DNASE1L1: variants seen among roughly 807,000 people sequenced by gnomAD.
DNASE1L1 encodes the protein deoxyribonuclease-1-like 1.
DNASE1L1 carries 8 observed loss-of-function variants against 18.6 expected under a neutral mutation model. That is an observed-to-expected ratio of 0.43 (90% CI 0.25 to 0.78). DNASE1L1 has a LOEUF of 0.78. Among genes scored for constraint, DNASE1L1 ranks in the 30% least tolerant of loss-of-function variants. The pLI, the probability that DNASE1L1 is intolerant of heterozygous loss-of-function variation, is 0.23. For synonymous variants in DNASE1L1, 114 were observed against 114.2 expected (o/e 1.00, Z 0.01); for missense variants, 214 against 258.2 (o/e 0.83, Z 1.17).
Position 154,402,648 on chromosome X carries a change from G to T in DNASE1L1, c.*59C>A. ...CCCCCAGCCCCAGGGCTGGATGGAC[G>T]GGGGAGGCTGGGGTTTAAGTCCCAA... On this transcript the variant is annotated 3_prime_UTR_variant, in exon 8 of 8. Coordinates refer to ENST00000369807, the MANE Select transcript of DNASE1L1 (RefSeq NM_001303620.2). 9.0e-7 allele frequency: 1 copy of T among 1,113,151 alleles called. No homozygotes were observed. Among genetic ancestry groups the T allele is most frequent in the South Asian group, 2.1e-5 (1 of 48,467 alleles). 91.7% of individuals were successfully genotyped at this position (1,113,151 alleles called of 1,213,427 possible). A position where few individuals can be genotyped will look rare whatever the true frequency, so the allele number is the denominator to read the frequency against.
intron 4 of DNASE1L1, among the ~76,000 whole-genome samples, chrX:154,403,984 T>A (rs1557187751): frequency 9.1e-6 from 1 of 109,476 alleles, no homozygotes; most frequent in African/African-American, 3.3e-5. Flanking sequence ...TCTTGTACAT[T>A]TGCCTATTCT....
Position 154,405,407 on chromosome X carries a change from A to T in DNASE1L1, c.135+27T>A, listed in dbSNP as rs373980712. On this transcript the variant is annotated intron_variant, in intron 2 of 7. Transcript: ENST00000369807. Reference sequence around the variant, plus strand: ...GCTTTGGCTCATGGTGGTTAGGGGCACGGCTTCCCTGAAGTGATGAACTTA... The same window carrying T: ...GCTTTGGCTCATGGTGGTTAGGGGCTCGGCTTCCCTGAAGTGATGAACTTA... 331 of 1,165,194 alleles carry T rather than the reference A, an allele frequency of 2.8e-4. No individual in the cohort carries two copies. The African/African-American group carries it at 5.4e-3, about 19-fold the overall frequency.
chrX:154,406,557 T>C (rs10126298), intron 1 of DNASE1L1, among the ~76,000 whole-genome samples: 29,604 of 106,661 alleles, frequency 0.28, 5,825 homozygotes, highest in African/African-American at 0.69. Flanking sequence ...TTAGTAGAGA[T>C]GGGGTTTCTT....
Position 154,403,154 on chromosome X carries a change from C to T in DNASE1L1, c.562G>A (p.Ala188Thr), listed in dbSNP as rs782017649. The part of the protein sequence containing the change: ...ILLGDFNADC[A>T]SLTKKRLDKL... The stretch of plus-strand genomic sequence containing the variant: ...TCCAGGCGCTTTTTGGTCAGTGAAG[C>T]GCAGTCAGCATTGAAGTCCCCAAGC... Residue 188 changes from alanine (A) to threonine (T), a missense_variant, in exon 7 of 8, where the codon GCT becomes ACT. Coordinates refer to ENST00000369807, the MANE Select transcript of DNASE1L1 (RefSeq NM_001303620.2). The T allele has an allele frequency of 2.2e-5, 27 of 1,209,909 alleles. No homozygotes were observed. In the East Asian group the frequency reaches 5.6e-4, roughly 25 times the overall value.
rs372745600 is a variant in DNASE1L1, at chrX:154,403,334, C to T, written c.460G>A (p.Val154Ile). 7.4e-6 allele frequency: 9 copies of T among 1,209,747 alleles called. No homozygotes were observed. The highest frequency in any genetic ancestry group is 1.8e-5 in the African/African-American group (1 of 57,118). Reference sequence around the variant, plus strand: ...TAGAGGGCGTTCAGCTCCTTCTCTACGGCCTTAGGAGTGGTGTGCAGCGGG... The same window carrying T: ...TAGAGGGCGTTCAGCTCCTTCTCTATGGCCTTAGGAGTGGTGTGCAGCGGG... ...LVPLHTTPKA[V>I]EKELNALYDV... Residue 154 changes from valine (V) to isoleucine (I), a missense_variant, in exon 6 of 8, where the codon GTA (valine) becomes ATA (isoleucine). By Grantham distance (29) the Val-to-Ile change is conservative (BLOSUM62 3). Transcript: ENST00000369807.
Position 154,409,115 on chromosome X carries a change from C to T in DNASE1L1, c.-91G>A, listed in dbSNP as rs1174821574. 2.9e-6 allele frequency: 1 copy of T among 342,389 alleles called. No homozygotes were observed. Among genetic ancestry groups the T allele is most frequent in the Non-Finnish European group, 5.9e-6 (1 of 169,934 alleles). 28.2% of individuals were successfully genotyped at this position (342,389 alleles called of 1,213,427 possible). On this transcript the variant is annotated 5_prime_UTR_variant, in exon 1 of 8. Transcript: ENST00000369807. ...TCTCCCCAGGGGGCTCCCATACCTG[C>T]TCAGACCAGCTTGTCACCAAGTCTG...
chrX:154,410,117 T>C (rs1263013622), upstream of DNASE1L1: 1 of 110,771 alleles, frequency 9.0e-6, no homozygotes, highest in African/African-American at 3.3e-5. Context: ...TGGGCGCCTG[T>C]AATCCCAGCT....
Position 154,403,001 on chromosome X carries a change from G to A in DNASE1L1, c.715C>T (p.Leu239=), listed in dbSNP as rs371471420. The A allele has an allele frequency of 1.2e-5, 14 of 1,210,091 alleles. No individual in the cohort carries two copies. The highest frequency in any genetic ancestry group is 2.3e-4 in the Middle Eastern group (1 of 4,332). Reference sequence around the variant, plus strand: ...TCAAAGGCAGCCGCAGTGTGCAGCAGACTCCGGCAGCGCTCCCCGTGCAGC... The same window carrying A: ...TCAAAGGCAGCCGCAGTGTGCAGCAAACTCCGGCAGCGCTCCCCGTGCAGC... ...VVLHGERCRS[L]LHTAAAFDFP... The change falls in exon 7 of 8, where the codon CTG becomes TTG. Residue 239 remains leucine, a synonymous_variant. Coordinates refer to ENST00000369807, the MANE Select transcript of DNASE1L1 (RefSeq NM_001303620.2).
rs782775845 is a variant in DNASE1L1, at chrX:154,403,295, C to T, written c.499G>A (p.Glu167Lys). 3 of 1,211,522 alleles carry T rather than the reference C, an allele frequency of 2.5e-6. No individual in the cohort carries two copies. In the South Asian group the frequency reaches 5.3e-5, roughly 21 times the overall value. ...TTGCTCTGCCAGTGCTGGGAGACCT[C>T]CAGAAACACATCGTAGAGGGCGTTC... ...ELNALYDVFLEVSQHWQSKDV... is the reference protein window; with the variant it reads ...ELNALYDVFLKVSQHWQSKDV... Residue 167 changes from glutamate to lysine, a missense_variant, in exon 6 of 8, where the codon GAG becomes AAG. Transcript: ENST00000369807.
Position 154,405,019 on chromosome X carries a change from G to T in DNASE1L1, c.200C>A (p.Pro67Gln). 1 of 1,210,783 alleles carries T rather than the reference G, an allele frequency of 8.3e-7. No individual in the cohort carries two copies. The highest frequency in any genetic ancestry group is 1.8e-5 in the South Asian group (1 of 56,919). ...CCGATTGAGTTCTCGAAGCAGGAGC[G>T]GGATGGCGCTGCCGGAAGAGTCCAC... is the stretch of plus-strand genomic sequence containing the variant. Reference protein sequence around the residue: ...EVVDSSGSAIPLLLRELNRFD... With the variant: ...EVVDSSGSAIQLLLRELNRFD... The change falls in exon 3 of 8, where the codon CCG (proline) becomes CAG (glutamine). Residue 67 changes from proline to glutamine, a missense_variant. Physicochemically the swap from Pro to Gln is moderately conservative, Grantham distance 76. Coordinates refer to ENST00000369807, the MANE Select transcript of DNASE1L1 (RefSeq NM_001303620.2).
rs1286992179 is a variant in DNASE1L1, at chrX:154,403,325, CCTT to C, written c.466_468del (p.Lys156del). 2.5e-6 allele frequency: 3 copies of C among 1,209,816 alleles called. No individual in the cohort carries two copies. In the Admixed American group the frequency reaches 6.6e-5, roughly 26 times the overall value. The stretch of plus-strand genomic sequence containing the variant: ...AACACATCGTAGAGGGCGTTCAGCT[CCTT>C]CTCTACGGCCTTAGGAGTGGTGTGC... On this transcript the variant is annotated inframe_deletion, in exon 6 of 8. Transcript: ENST00000369807.
upstream of DNASE1L1, chrX:154,411,770 C>A (rs4898379): frequency 7.3e-5 from 72 of 988,335 alleles, no homozygotes; most frequent in Non-Finnish European, 6.1e-5. Flanking sequence ...CTCGAGCGGT[C>A]GAGGTCGCAG....
At chrX:154,411,875 C>T (rs1557190828), upstream of DNASE1L1, 1 of 1,204,183 alleles carries the variant, frequency 8.3e-7, no homozygotes, top group Admixed American at 2.2e-5. Flanking sequence ...CCGTTCCCCG[C>T]GGTGCCGCCG....
upstream of DNASE1L1, among the ~76,000 whole-genome samples, chrX:154,411,179 C>T (rs1424698375): frequency 1.8e-5 from 2 of 111,090 alleles, no homozygotes; most frequent in Non-Finnish European, 3.8e-5. Context: ...CGGGGTGGCT[C>T]ACGGCTGTCA....
rs374047815 is a variant in DNASE1L1, at chrX:154,403,199, A to G, written c.526-9T>C. ...CCAAGCAGGATCACGTCCTAGAGAC[A>G]CAGCAGCCATCAGGCTGGCCGCTGG... On this transcript the variant is annotated splice_polypyrimidine_tract_variant and intron_variant, in intron 6 of 7. Coordinates refer to ENST00000369807, the MANE Select transcript of DNASE1L1 (RefSeq NM_001303620.2). The G allele has an allele frequency of 3.7e-5, 45 of 1,208,597 alleles. No individual in the cohort carries two copies. Among genetic ancestry groups the G allele is most frequent in the Non-Finnish European group, 4.8e-5 (43 of 894,021 alleles).
In DNASE1L1 at chrX:154,407,752, C is replaced by T. The variant is rs1401361158; in HGVS notation, c.-88+1360G>A. ...TTGGGGCTACAGGCGTGAGCCACCGCGCCCGGCCCCCCCCCTTTTTTTTTT... is the reference window on the plus strand; with the variant it reads ...TTGGGGCTACAGGCGTGAGCCACCGTGCCCGGCCCCCCCCCTTTTTTTTTT... On this transcript the variant is annotated intron_variant, in intron 1 of 7. Transcript: ENST00000369807. Among the ~76,000 whole-genome samples, 13 of 97,389 alleles carry T rather than the reference C, an allele frequency of 1.3e-4. No individual in the cohort carries two copies. In the East Asian group the frequency reaches 3.2e-3, roughly 24 times the overall value. The allele number at this position is 97,389 out of a possible 115,157, so 84.6% of individuals were successfully genotyped here. A position where few individuals can be genotyped will look rare whatever the true frequency, so the allele number is the denominator to read the frequency against.
rs1169513228 is a variant in DNASE1L1, at chrX:154,402,148, C to G, written c.*559G>C. 8.6e-6 allele frequency: 1 copy of G among 116,691 alleles called. No homozygotes were observed. The highest frequency in any genetic ancestry group is 3.2e-5 in the African/African-American group (1 of 30,997). The allele number at this position is 116,691 out of a possible 1,213,427, so 9.6% of individuals were successfully genotyped here. A position where few individuals can be genotyped will look rare whatever the true frequency, so the allele number is the denominator to read the frequency against. ...CCCAGGAGGTGCGAGTGTGGCTGCTCAGCGGTTATAACAGGCCTGACTGCA... is the reference window on the plus strand; with the variant it reads ...CCCAGGAGGTGCGAGTGTGGCTGCTGAGCGGTTATAACAGGCCTGACTGCA... On this transcript the variant is annotated 3_prime_UTR_variant, in exon 8 of 8. Coordinates refer to ENST00000369807, the MANE Select transcript of DNASE1L1 (RefSeq NM_001303620.2).
rs2068067416 is a variant in DNASE1L1 at position 154,402,701 on chromosome X, G to A, written c.*6C>T. ...GGCAGCAGGCCCTGGGGGGGTAGGGGGACGCTCAGGCAGCAGGGCACAGCT... is the reference window on the plus strand; with the variant it reads ...GGCAGCAGGCCCTGGGGGGGTAGGGAGACGCTCAGGCAGCAGGGCACAGCT... On this transcript the variant is annotated 3_prime_UTR_variant, in exon 8 of 8. Coordinates refer to ENST00000369807, the MANE Select transcript of DNASE1L1 (RefSeq NM_001303620.2). The A allele has an allele frequency of 8.3e-7, 1 of 1,202,847 alleles. No homozygotes were observed. The highest frequency in any genetic ancestry group is 1.8e-5 in the South Asian group (1 of 55,833).
intron 2 of DNASE1L1, among the ~76,000 whole-genome samples, 154 bp downstream of exon 2, chrX:154,405,280 A>T (rs1400865524): frequency 8.9e-6 from 1 of 112,920 alleles, no homozygotes; most frequent in Non-Finnish European, 1.9e-5. Context: ...AGAGGAGGAG[A>T]CTGAGGCCAG....
Sources: allele counts gnomAD v4.1 joint callset (sites outside exome capture counted in the v4.1 genomes callset), GRCh38; gene constraint gnomAD v4.1.1; transcripts MANE v1.5; gene names NCBI Gene and HGNC (gene_info 2026-07-23, HGNC 2026-07-21).